The following JCAD variants were observed in gnomAD, a reference collection of about 807,000 sequenced individuals.
JCAD encodes the protein junctional cadherin 5 associated, also known as junctional cadherin 5-associated protein.
Under a neutral mutation model 98.0 loss-of-function variants are expected in JCAD, and 40 were observed. The ratio of observed to expected loss-of-function variants is 0.41; its 90% CI spans 0.32 to 0.53. The LOEUF is 0.53. Ranked by LOEUF, JCAD falls within the 20% of genes least tolerant of loss-of-function variation. The probability of loss-of-function intolerance (pLI) is 0.31; values close to 1 mark genes in which losing one functional copy is unlikely to be tolerated. For synonymous variants in JCAD, 691 were observed against 682.3 expected (o/e 1.01, Z -0.20); for missense variants, 1,705 against 1,738.1 (o/e 0.98, Z 0.34).
chr10:30,100,174 T>C (rs539811762), intron 1 of JCAD, among the ~76,000 whole-genome samples: 85 of 152,264 alleles, frequency 5.6e-4, no homozygotes, highest in African/African-American at 2.0e-3. Flanking sequence ...TAGCTTGCCT[T>C]GCTGAGAATT....
intron 2 of JCAD, among the ~76,000 whole-genome samples, chr10:30,043,729 C>G (rs552413463): frequency 2.0e-4 from 30 of 152,276 alleles, no homozygotes; most frequent in African/African-American, 7.0e-4. Flanking sequence ...GTGCTCCTTT[C>G]AAACGAAAAC....
chr10:30,030,624 T>C (rs904096644), intron 2 of JCAD, among the ~76,000 whole-genome samples: 1 of 152,090 alleles, frequency 6.6e-6, no homozygotes, highest in Non-Finnish European at 1.5e-5. Context: ...GAAACTTTAG[T>C]GAGAATCAGA....
rs1165268120 is a variant in JCAD, at chr10:30,012,862, G to A, written c.*5021C>T. On this transcript the variant is annotated 3_prime_UTR_variant, in exon 4 of 4. Coordinates refer to ENST00000375377, the MANE Select transcript of JCAD (RefSeq NM_020848.4). The stretch of plus-strand genomic sequence containing the variant: ...TACTGAGCAGGCCAGCCGCCATCCT[G>A]AAATAGCAAGGATATTTACACTGTG... 1.3e-5 allele frequency: 2 copies of A among 152,248 alleles called. No individual in the cohort carries two copies. The highest frequency in any genetic ancestry group is 2.4e-5 in the African/African-American group (1 of 41,454). 9.4% of individuals were successfully genotyped at this position (152,248 alleles called of 1,614,324 possible).
rs963571080 is a variant in JCAD at position 30,023,100 on chromosome 10, C to T, written c.4045+3003G>A. Among the ~76,000 whole-genome samples the T allele has an allele frequency of 2.6e-5, 4 of 151,994 alleles. No homozygotes were observed. In the East Asian group the frequency reaches 5.8e-4, roughly 22 times the overall value. On this transcript the variant is annotated intron_variant, in intron 3 of 3. Coordinates refer to ENST00000375377, the MANE Select transcript of JCAD (RefSeq NM_020848.4). The stretch of plus-strand genomic sequence containing the variant: ...TTGCTGAGGCTGGAGTGCAATGGCG[C>T]GATCTCAGCTCACTGTAACCTCTGG...
chr10:30,037,282 C>A (rs1837135943), intron 2 of JCAD, among the ~76,000 whole-genome samples: 1 of 152,116 alleles, frequency 6.6e-6, no homozygotes, highest in Non-Finnish European at 1.5e-5. Context: ...TGCAAATATC[C>A]CTCTGATACA....
intron 2 of JCAD, among the ~76,000 whole-genome samples, chr10:30,036,068 A>G (rs986876555): frequency 2.0e-5 from 3 of 152,234 alleles, no homozygotes; most frequent in Non-Finnish European, 2.9e-5. Flanking sequence ...AAATTAGGAG[A>G]CAGTTCTGTT....
At chr10:30,030,740 G>C (rs1836973768) in intron 2 of JCAD, among the ~76,000 whole-genome samples, 1 of 152,082 alleles carries the variant, frequency 6.6e-6, no homozygotes, top group Admixed American at 6.5e-5. Flanking sequence ...GTTCCCAGAT[G>C]ATGCTGATGC....
chr10:30,054,513 ATAATT>A (rs1837528618), intron 1 of JCAD, among the ~76,000 whole-genome samples: 1 of 151,718 alleles, frequency 6.6e-6, no homozygotes, highest in Admixed American at 6.6e-5. Context: ...TTCTTATTAT[ATAATT>A]TAATATAACA....
At chr10:30,056,655 A>C (rs1000169225) in intron 1 of JCAD, among the ~76,000 whole-genome samples, 5 of 152,186 alleles carry the variant, frequency 3.3e-5, no homozygotes, top group Non-Finnish European at 5.9e-5. Context: ...CAAAACTATA[A>C]GGATACTTCA....
chr10:30,062,832 C>T (rs933890489), upstream of JCAD, among the ~76,000 whole-genome samples: 4 of 152,134 alleles, frequency 2.6e-5, no homozygotes, highest in African/African-American at 7.2e-5. Context: ...TCCCACAACA[C>T]GTAAGGACTA....
At chr10:30,044,936 C>A (rs759840745) in intron 2 of JCAD, 17 of 244,066 alleles carry the variant, frequency 7.0e-5, no homozygotes, top group Non-Finnish European at 1.1e-4. Flanking sequence ...GCTATTTCTA[C>A]CCTAGGAGCC....
rs752505293 is a variant in JCAD at position 30,026,783 on chromosome 10, T to A, written c.3365A>T (p.Glu1122Val). 6.2e-7 allele frequency: 1 copy of A among 1,614,160 alleles called. No homozygotes were observed. Among genetic ancestry groups the A allele is most frequent in the Admixed American group, 1.7e-5 (1 of 60,034 alleles). ...AGATAGCAACTCTTCCTGGGGGGACTCTGGGGTGCAGGCACTTGCATCGGG... is the reference window on the plus strand; with the variant it reads ...AGATAGCAACTCTTCCTGGGGGGACACTGGGGTGCAGGCACTTGCATCGGG... ...AEPDASACTP[E>V]SPQEELLSRP... Residue 1122 changes from glutamate (E) to valine (V), a missense_variant, in exon 3 of 4, where the codon GAG becomes GTG. Coordinates refer to ENST00000375377, the MANE Select transcript of JCAD (RefSeq NM_020848.4).
intron 1 of JCAD, among the ~76,000 whole-genome samples, chr10:30,075,083 C>G (rs1589706987): frequency 6.6e-6 from 1 of 152,296 alleles, no homozygotes; most frequent in East Asian, 1.9e-4. Context: ...AGCCACCATA[C>G]CAGGCCAGAC....
Position 30,047,857 on chromosome 10 carries a change from T to C in JCAD, c.-45A>G. The C allele has an allele frequency of 1.9e-6, 3 of 1,562,640 alleles. No individual in the cohort carries two copies. In the Admixed American group the frequency reaches 5.5e-5, roughly 29 times the overall value. On this transcript the variant is annotated 5_prime_UTR_variant, in exon 2 of 4. Transcript: ENST00000375377. ...AGCTCAACCACTGGAACCATGGTGG[T>C]GGCAGGACCCAGCACTGCAGGACAA...
chr10:30,068,591 C>T (rs766255450), intron 2 of JCAD, among the ~76,000 whole-genome samples: 4 of 152,140 alleles, frequency 2.6e-5, no homozygotes, highest in Non-Finnish European at 4.4e-5. Context: ...TGGTAGAAGA[C>T]ACTGTTCATC....
At chr10:30,031,484 C>T (rs896374304) in intron 2 of JCAD, among the ~76,000 whole-genome samples, 2 of 147,512 alleles carry the variant, frequency 1.4e-5, no homozygotes, top group Non-Finnish European at 3.0e-5. Flanking sequence ...CGCTTTCGCC[C>T]AGGCTGGAGT....
intron 1 of JCAD, among the ~76,000 whole-genome samples, chr10:30,110,683 C>T (rs1337932414): frequency 6.6e-6 from 1 of 151,506 alleles, no homozygotes; most frequent in East Asian, 1.9e-4. Context: ...GATGTATGGA[C>T]CCCTGATATA....
intron 2 of JCAD, among the ~76,000 whole-genome samples, chr10:30,038,811 AAGG>A (rs1339143036): frequency 6.6e-6 from 1 of 152,128 alleles, no homozygotes; most frequent in Non-Finnish European, 1.5e-5. Context: ...GTCCATGTGG[AAGG>A]AGAAGGAAAA....
chr10:30,028,654 C>A lies in JCAD; in HGVS notation c.1494G>T (p.Arg498=). ...CCCCGGGGGGCTGGCCCCACAGCCA[C>A]CGGGGGCTGGAATCGGCCAAGACCA... ...RGLVLADSSP[R]WLWGQPPGDG... Residue 498 remains arginine, a synonymous_variant, in exon 3 of 4, where the codon CGG becomes CGT. Coordinates refer to ENST00000375377, the MANE Select transcript of JCAD (RefSeq NM_020848.4). The A allele has an allele frequency of 6.2e-7, 1 of 1,605,980 alleles. No individual in the cohort carries two copies.
Sources: gnomAD v4.1 joint callset for allele counts (sites outside exome capture counted in the v4.1 genomes callset) on GRCh38, gnomAD v4.1.1 for gene constraint, MANE v1.5 for transcripts, NCBI Gene and HGNC (gene_info 2026-07-23, HGNC 2026-07-21) for gene names.